Variants in CIB1 observed in about 807,000 individuals in gnomAD.
The protein encoded by CIB1 is calcium and integrin binding 1.
CIB1 carries 19 observed loss-of-function variants against 25.0 expected under a neutral mutation model. The ratio of observed to expected loss-of-function variants is 0.76; its 90% CI spans 0.53 to 1.12. CIB1 has a LOEUF of 1.12. CIB1 is among the 50% of genes most tolerant of loss of function. The pLI, the probability that CIB1 is intolerant of heterozygous loss-of-function variation, is 0.00. For synonymous variants in CIB1, 104 were observed against 98.5 expected (o/e 1.06, Z -0.33); for missense variants, 236 against 242.6 (o/e 0.97, Z 0.18).
the CIB1 span, among the ~76,000 whole-genome samples, chr15:90,256,545 TTTTCTTTCTTTCTTTCTTTCTTTCTTTC>T: frequency 2.3e-4 from 24 of 105,504 alleles, no homozygotes; most frequent in South Asian, 4.0e-4. Flanking sequence ...TCTCCTTCCT[TTTTCTTTCTTTCTTTCTTTCTTTCTTTC>T]TTTCTTTCTT....
chr15:90,247,731 T>C, the CIB1 span, among the ~76,000 whole-genome samples: 1 of 142,888 alleles, frequency 7.0e-6, no homozygotes, highest in South Asian at 2.5e-4. Flanking sequence ...CATCAAAGAT[T>C]TTTTTGTTTG....
the CIB1 span, chr15:90,250,720 C>G: frequency 6.2e-7 from 1 of 1,614,078 alleles, no homozygotes; most frequent in East Asian, 2.2e-5. Context: ...AGGGAGTTAC[C>G]AACCCCTCTA....
the CIB1 span, chr15:90,240,977 G>A: frequency 1.9e-4 from 303 of 1,613,886 alleles, no homozygotes; most frequent in Non-Finnish European, 2.5e-4. Context: ...ACTGGGGCAG[G>A]CAAACCATTC....
At chr15:90,251,207 G>T in the CIB1 span, among the ~76,000 whole-genome samples, 1 of 144,002 alleles carries the variant, frequency 6.9e-6, no homozygotes, top group African/African-American at 2.6e-5. Context: ...TCCGCCTCCC[G>T]GGTTCAGGCC....
chr15:90,259,299 A>G, the CIB1 span, among the ~76,000 whole-genome samples: 2 of 151,914 alleles, frequency 1.3e-5, no homozygotes, highest in Non-Finnish European at 2.9e-5. Context: ...CTGAGGTGGG[A>G]TGGTTACTTG....
At chr15:90,237,533 G>T (rs762414005), upstream of CIB1, among the ~76,000 whole-genome samples, 4 of 151,866 alleles carry the variant, frequency 2.6e-5, no homozygotes. Flanking sequence ...ATTCACCTGC[G>T]TCAGCCTCCC....
At chr15:90,247,298 CTTT>C in the CIB1 span, among the ~76,000 whole-genome samples, 2 of 134,268 alleles carry the variant, frequency 1.5e-5, no homozygotes, top group Admixed American at 7.5e-5. Flanking sequence ...TTTCTTTTTT[CTTT>C]TTTTTTTTTT....
the CIB1 span, chr15:90,261,901 G>A: frequency 6.2e-4 from 600 of 966,000 alleles, 2 homozygotes; most frequent in Non-Finnish European, 8.5e-4. Context: ...GGGCCCAGGA[G>A]GTCAAGAAGC....
the CIB1 span, among the ~76,000 whole-genome samples, chr15:90,261,166 C>T: frequency 8.0e-5 from 12 of 150,722 alleles, no homozygotes; most frequent in Non-Finnish European, 1.2e-4. Context: ...GCAACTTCCA[C>T]CTCCTGGGTT....
At chr15:90,234,075 A>T (rs1250228263), upstream of CIB1, 5 of 625,998 alleles carry the variant, frequency 8.0e-6, no homozygotes, top group East Asian at 1.0e-4. Context: ...TGCCGGCTCC[A>T]AGCGGTCCTA....
At chr15:90,234,111 A>T, upstream of CIB1, 2 of 294,236 alleles carry the variant, frequency 6.8e-6, no homozygotes, top group East Asian at 6.1e-5. Context: ...GGGCCCGGGG[A>T]GGGGCCCGAC....
the CIB1 span, chr15:90,241,857 A>G: frequency 6.2e-7 from 1 of 1,614,166 alleles, no homozygotes; most frequent in Non-Finnish European, 8.5e-7. Context: ...GTGGGCCCGG[A>G]AGTCCAGCTT....
chr15:90,252,365 G>A, the CIB1 span, among the ~76,000 whole-genome samples: 1 of 151,584 alleles, frequency 6.6e-6, no homozygotes, highest in Non-Finnish European at 1.5e-5. Context: ...ATGTTTTGTA[G>A]AGACAGAGTC....
the CIB1 span, among the ~76,000 whole-genome samples, chr15:90,239,173 TA>T: frequency 1.3e-5 from 2 of 152,172 alleles, no homozygotes; most frequent in Non-Finnish European, 2.9e-5. Context: ...AAGCTAAACA[TA>T]AATTGTGATT....
chr15:90,258,440 G>A, the CIB1 span: 1 of 669,446 alleles, frequency 1.5e-6, no homozygotes, highest in South Asian at 1.9e-5. Flanking sequence ...TTGACCTGCT[G>A]AGTCAAATCT....
At chr15:90,257,844 C>A in the CIB1 span, 5 of 1,053,678 alleles carry the variant, frequency 4.7e-6, no homozygotes, top group Non-Finnish European at 5.6e-6. Flanking sequence ...CTTTATAGAC[C>A]CTGTCCTGTG....
the CIB1 span, among the ~76,000 whole-genome samples, chr15:90,260,186 T>C: frequency 6.6e-6 from 1 of 152,128 alleles, no homozygotes; most frequent in South Asian, 2.1e-4. Context: ...TACACTAGAG[T>C]ACTAGGCAGC....
At chr15:90,258,789 A>T in the CIB1 span, 1 of 1,614,160 alleles carries the variant, frequency 6.2e-7, no homozygotes, top group Middle Eastern at 1.6e-4. Context: ...CTTGATCAAG[A>T]AGTAAAGGAT....
At chr15:90,260,924 T>C in the CIB1 span, among the ~76,000 whole-genome samples, 1,146 of 151,186 alleles carry the variant, frequency 7.6e-3, 14 homozygotes, top group Middle Eastern at 0.035. Flanking sequence ...CACAAGCTAG[T>C]GAGTGGCAGA....
Sources: allele counts gnomAD v4.1 joint callset (sites outside exome capture counted in the v4.1 genomes callset), GRCh38; gene constraint gnomAD v4.1.1; transcripts MANE v1.5; gene names NCBI Gene and HGNC (gene_info 2026-07-23, HGNC 2026-07-21).